GIN1: variants seen among roughly 807,000 people sequenced by gnomAD.
The protein encoded by GIN1 is gypsy retrotransposon integrase-like protein 1.
Under a neutral mutation model 51.4 loss-of-function variants are expected in GIN1, and 41 were observed. The ratio of observed to expected loss-of-function variants is 0.80; its 90% CI spans 0.62 to 1.04. The LOEUF is 1.04. Among genes scored for constraint, GIN1 ranks in the 50% least tolerant of loss-of-function variants. GIN1 has a pLI of 0.00. For synonymous variants in GIN1, 222 were observed against 206.5 expected (o/e 1.07, Z -0.64); for missense variants, 610 against 612.4 (o/e 1.00, Z 0.04).
At chr5:103,107,047 T>C (rs1212696111) in intron 2 of GIN1, 138 bp from the exon 3 acceptor site, 3 of 563,506 alleles carry the variant, frequency 5.3e-6, no homozygotes, top group Non-Finnish European at 9.2e-6. Context: ...AAACAGAATA[T>C]TTATTTTTAA....
At chr5:103,091,827 C>A (rs782673985) in intron 7 of GIN1, among the ~76,000 whole-genome samples, 15 of 151,900 alleles carry the variant, frequency 9.9e-5, no homozygotes, top group Admixed American at 3.9e-4. Flanking sequence ...GAGTTTGAGA[C>A]CAGCCTGGCC....
intron 1 of GIN1, among the ~76,000 whole-genome samples, chr5:103,112,793 T>C (rs1300418003): frequency 6.6e-6 from 1 of 152,164 alleles, no homozygotes; most frequent in Non-Finnish European, 1.5e-5. Context: ...TGTTCATCCA[T>C]ATAACCTTGA....
chr5:103,087,619 G>T lies in GIN1; in HGVS notation c.*279C>A. On this transcript the variant is annotated 3_prime_UTR_variant, in exon 8 of 8. Transcript: ENST00000399004. ...AACCATACAAAGGTTTGAGAGATTT[G>T]GGCTGGAATTTATTTCCCAAGAAGT... The T allele has an allele frequency of 4.7e-6, 1 of 213,264 alleles. No homozygotes were observed. Among genetic ancestry groups the T allele is most frequent in the Admixed American group, 5.8e-5 (1 of 17,278 alleles). 13.2% of individuals were successfully genotyped at this position (213,264 alleles called of 1,614,324 possible). A position where few individuals can be genotyped will look rare whatever the true frequency, so the allele number is the denominator to read the frequency against.
At position 103,104,750 on chromosome 5, in the gene GIN1, T is replaced by C. The variant is rs781803657; in HGVS notation, c.430A>G (p.Thr144Ala). ...TGAAAAGGCCCCATCAGATCAACAG[T>C]AACTAAACTCCATGGATTTTCCACC... ...LKVENPWSLV[T>A]VDLMGPFHTS... Residue 144 changes from threonine to alanine, a missense_variant, in exon 4 of 8, where the codon ACT becomes GCT. Transcript: ENST00000399004. 31 of 1,609,838 alleles carry C rather than the reference T, an allele frequency of 1.9e-5. No individual in the cohort carries two copies. Among genetic ancestry groups the C allele is most frequent in the Non-Finnish European group, 2.6e-5 (31 of 1,176,326 alleles).
At chr5:103,117,810 A>C (rs914801112) in intron 1 of GIN1, among the ~76,000 whole-genome samples, 4 of 152,128 alleles carry the variant, frequency 2.6e-5, no homozygotes, top group Non-Finnish European at 4.4e-5. Flanking sequence ...ATGGAGGTTC[A>C]GAGATTGTCC....
At chr5:103,116,852 C>T (rs34778) in intron 1 of GIN1, among the ~76,000 whole-genome samples, 49,065 of 151,644 alleles carry the variant, frequency 0.32, 8,192 homozygotes, top group East Asian at 0.45. Flanking sequence ...AAAATGTAAA[C>T]TAAAACTACC....
chr5:103,098,967 A>T (rs1554195463), intron 4 of GIN1, among the ~76,000 whole-genome samples: 4 of 152,148 alleles, frequency 2.6e-5, no homozygotes, highest in African/African-American at 9.7e-5. Context: ...TAAATATAAA[A>T]TAATATTTTT....
intron 3 of GIN1, among the ~76,000 whole-genome samples, chr5:103,105,444 C>T (rs1328622499): frequency 6.6e-6 from 1 of 152,136 alleles, no homozygotes; most frequent in African/African-American, 2.4e-5. Context: ...TTTCTATATA[C>T]ATAAAATGTT....
intron 4 of GIN1, among the ~76,000 whole-genome samples, chr5:103,101,871 T>C (rs1354543663): frequency 2.6e-5 from 4 of 152,340 alleles, no homozygotes; most frequent in East Asian, 1.9e-4. Context: ...GAAGTTCCAA[T>C]AGCCTTCCCC....
intron 4 of GIN1, among the ~76,000 whole-genome samples, chr5:103,101,400 A>AT (rs1787570615): frequency 6.6e-6 from 1 of 152,228 alleles, no homozygotes; most frequent in South Asian, 2.1e-4. Context: ...GAAATTTTGT[A>AT]TTTAATATGT....
rs531099078 is a variant in GIN1 at position 103,096,404 on chromosome 5, G to A, written c.1294+137C>T. 6 of 671,196 alleles carry A rather than the reference G, an allele frequency of 8.9e-6. No individual in the cohort carries two copies. In the South Asian group the frequency reaches 1.0e-4, roughly 11 times the overall value. The allele number at this position is 671,196 out of a possible 1,614,324, so 41.6% of individuals were successfully genotyped here. On this transcript the variant is annotated intron_variant, in intron 7 of 7. Transcript: ENST00000399004. ...ACACTGTAATAAAACAGACTACCTG[G>A]GATAGCTAAAACTGTAACAAATTTT... is the stretch of plus-strand genomic sequence containing the variant.
chr5:103,097,305 T>TC lies in GIN1; in HGVS notation c.1008+8_1008+9insG, dbSNP rs782589545. The TC allele has an allele frequency of 1.3e-5, 19 of 1,516,150 alleles. No homozygotes were observed. The South Asian group carries it at 2.1e-4, about 17-fold the overall frequency. 93.9% of individuals were successfully genotyped at this position (1,516,150 alleles called of 1,614,324 possible). A position where few individuals can be genotyped will look rare whatever the true frequency, so the allele number is the denominator to read the frequency against. ...TTTAGATTACAGTTTTTCTATTGAA[T>TC]AGAATCACCTGGCCCAGTGAAGTTG... is the stretch of plus-strand genomic sequence containing the variant. On this transcript the variant is annotated intron_variant, in intron 6 of 7. Transcript: ENST00000399004.
At position 103,087,843 on chromosome 5, in the gene GIN1, A is replaced by T. The variant is rs1490612918; in HGVS notation, c.*55T>A. On this transcript the variant is annotated 3_prime_UTR_variant, in exon 8 of 8. Transcript: ENST00000399004. ...CTATACAACGTTTTTAATGAATAAG[A>T]TATCATTAAGAATTTATATTCTAAA... 4.2e-6 allele frequency: 3 copies of T among 709,730 alleles called. No individual in the cohort carries two copies. The African/African-American group carries it at 5.4e-5, about 13-fold the overall frequency. 44.0% of individuals were successfully genotyped at this position (709,730 alleles called of 1,614,324 possible).
chr5:103,109,593 T>C (rs1787817569), intron 1 of GIN1, among the ~76,000 whole-genome samples: 1 of 152,124 alleles, frequency 6.6e-6, no homozygotes, highest in Admixed American at 6.6e-5. Flanking sequence ...ACATAAAGTA[T>C]ATGTCAATTT....
At chr5:103,088,483 A>C (rs190581947) in intron 7 of GIN1, among the ~76,000 whole-genome samples, 64 of 152,270 alleles carry the variant, frequency 4.2e-4, no homozygotes, top group Admixed American at 1.9e-3. Context: ...AGTGAGAATT[A>C]TGGTATAGAT....
chr5:103,118,096 C>T (rs115348406), intron 1 of GIN1, among the ~76,000 whole-genome samples: 253 of 152,236 alleles, frequency 1.7e-3, no homozygotes, highest in African/African-American at 5.8e-3. Flanking sequence ...GGACACTCAA[C>T]TATTTGTGAA....
chr5:103,096,735 C>A lies in GIN1; in HGVS notation c.1100G>T (p.Gly367Val). The A allele has an allele frequency of 6.2e-7, 1 of 1,612,974 alleles. No homozygotes were observed. The highest frequency in any genetic ancestry group is 8.5e-7 in the Non-Finnish European group (1 of 1,178,964). Residue 367 changes from glycine to valine, a missense_variant, in exon 7 of 8, where the codon GGT becomes GTT. Transcript: ENST00000399004. ...KQLNPFHLKV[G>V]HEVLRQRKNW... ...TTTCCTTTGTCTTAAAACTTCATGA[C>A]CCACTTTTAAATGAAATGGATTTAA...
At chr5:103,088,343 A>G (rs1263218542) in intron 7 of GIN1, among the ~76,000 whole-genome samples, 171 bp from the exon 8 acceptor site, 1 of 152,246 alleles carries the variant, frequency 6.6e-6, no homozygotes, top group Admixed American at 6.5e-5. Context: ...GAATAAAAAA[A>G]TGACATATAA....
intron 7 of GIN1, among the ~76,000 whole-genome samples, chr5:103,089,625 T>C (rs1787180619): frequency 6.6e-6 from 1 of 152,116 alleles, no homozygotes; most frequent in Admixed American, 6.5e-5. Context: ...CCTGGCTAAT[T>C]GTGTTGCCTA....
Sources: allele counts gnomAD v4.1 joint callset (sites outside exome capture counted in the v4.1 genomes callset), GRCh38; gene constraint gnomAD v4.1.1; transcripts MANE v1.5; gene names NCBI Gene and HGNC (gene_info 2026-07-23, HGNC 2026-07-21).